RPS6KA2: variants seen among roughly 807,000 people sequenced by gnomAD.
RPS6KA2 encodes ribosomal protein S6 kinase A2, also known as ribosomal protein S6 kinase alpha-2.
RPS6KA2 carries 42 observed loss-of-function variants against 91.8 expected under a neutral mutation model. The ratio of observed to expected loss-of-function variants is 0.46; its 90% CI spans 0.36 to 0.59. The LOEUF is 0.59. RPS6KA2 is among the 20% of genes least tolerant of loss of function. RPS6KA2 has a pLI of 0.00. For synonymous variants in RPS6KA2, 414 were observed against 393.6 expected, an observed-to-expected ratio of 1.05 and a Z score of -0.61; for missense variants, 798 against 978.5, an observed-to-expected ratio of 0.82 and a Z score of 2.46.
chr6:166,768,035 G>A (rs1778367919), intron 2 of RPS6KA2, among the ~76,000 whole-genome samples: 1 of 152,224 alleles, frequency 6.6e-6, no homozygotes, highest in Non-Finnish European at 1.5e-5. Context: ...GGAAATCTGA[G>A]AAACAATTAC....
intron 1 of RPS6KA2, among the ~76,000 whole-genome samples, chr6:166,608,813 T>G (rs1206489860): frequency 3.3e-5 from 5 of 151,538 alleles, no homozygotes; most frequent in African/African-American, 4.9e-5. Flanking sequence ...GTTTGTTCTG[T>G]TTTTTTTTAA....
intron 2 of RPS6KA2, among the ~76,000 whole-genome samples, chr6:166,828,432 C>T (rs1409936098): frequency 6.6e-6 from 1 of 152,248 alleles, no homozygotes; most frequent in African/African-American, 2.4e-5. Context: ...CGTATCTGCC[C>T]TTTCCTTCAC....
rs139162564 is a variant in RPS6KA2 at position 166,479,208 on chromosome 6, C to T, written c.908-9303G>A. ...TTGCTGTTTGCTGTCAGAGAGCCCA[C>T]GAGCATGAGGGCCACACTTTGGCTT... On this transcript the variant is annotated intron_variant, in intron 10 of 20. Coordinates refer to ENST00000265678, the MANE Select transcript of RPS6KA2 (RefSeq NM_021135.6). 1.2e-3 allele frequency among the ~76,000 whole-genome samples: 188 copies of T among 152,344 alleles called. 1 individual carries two copies. Among genetic ancestry groups the T allele is most frequent in the African/African-American group, 2.5e-3 (103 of 41,576 alleles).
Position 166,852,204 on chromosome 6 carries a change from G to T in RPS6KA2, c.123+5996C>A, listed in dbSNP as rs991939794. The stretch of plus-strand genomic sequence containing the variant: ...TAAGAAATACAAATGCAAATAGACT[G>T]CCATCATGGTGACTTATGTAACACC... On this transcript the variant is annotated intron_variant, in intron 2 of 21. Transcript: ENST00000503859. The surrounding 1 kb of genome is among the most constrained non-coding windows in gnomAD (Gnocchi z 4.1). Among the ~76,000 whole-genome samples the T allele has an allele frequency of 6.6e-6, 1 of 152,194 alleles. No homozygotes were observed. Among genetic ancestry groups the T allele is most frequent in the Non-Finnish European group, 1.5e-5 (1 of 68,032 alleles).
intron 1 of RPS6KA2, among the ~76,000 whole-genome samples, chr6:166,608,204 A>G (rs1268226667): frequency 2.0e-5 from 3 of 152,216 alleles, no homozygotes; most frequent in African/African-American, 7.2e-5. Context: ...TAATTTCCTC[A>G]GGATATTTGC....
intron 1 of RPS6KA2, among the ~76,000 whole-genome samples, chr6:166,594,670 G>T (rs1426715018): frequency 6.6e-6 from 1 of 152,184 alleles, no homozygotes; most frequent in Non-Finnish European, 1.5e-5. Context: ...CACTGTGTTA[G>T]CCAGGATGGT....
At position 166,500,364 on chromosome 6, in the gene RPS6KA2, T is replaced by C. The variant is rs1334943106; in HGVS notation, c.604+523A>G. Among the ~76,000 whole-genome samples the C allele has an allele frequency of 6.6e-6, 1 of 152,210 alleles. No individual in the cohort carries two copies. The highest frequency in any genetic ancestry group is 1.5e-5 in the Non-Finnish European group (1 of 68,020). ...CTGTTGCCAGTTTGACTGAATTTGC[T>C]GGTGGCTGCCAGGGCTCAGATGGAA... On this transcript the variant is annotated intron_variant, in intron 7 of 20. Transcript: ENST00000265678. The surrounding 1 kb of genome is among the most constrained non-coding windows in gnomAD (Gnocchi z 4.3).
At chr6:166,472,730 C>T (rs1225979784) in intron 10 of RPS6KA2, among the ~76,000 whole-genome samples, 2 of 152,112 alleles carry the variant, frequency 1.3e-5, no homozygotes, top group East Asian at 1.9e-4. Flanking sequence ...GAGTTCTGGG[C>T]GGGGAGAATC....
chr6:166,560,543 A>C (rs1017585644), intron 1 of RPS6KA2, among the ~76,000 whole-genome samples: 2 of 152,198 alleles, frequency 1.3e-5, no homozygotes, highest in African/African-American at 4.8e-5. Flanking sequence ...TTCAGAGGAG[A>C]CCAGGGTCTT....
At chr6:166,740,506 TAACAATAAGGAAG>T (rs1231935769) in intron 2 of RPS6KA2, among the ~76,000 whole-genome samples, 1 of 152,184 alleles carries the variant, frequency 6.6e-6, no homozygotes, top group Non-Finnish European at 1.5e-5. Context: ...TATAACAATT[TAACAATAAGGAAG>T]AACAACCCAG....
At position 166,852,110 on chromosome 6, in the gene RPS6KA2, C is replaced by T. The variant is rs1298030211; in HGVS notation, c.123+6090G>A. ...CACCCGCTTTCCAGGAGGCATGATG[C>T]TTACCCTACCCTTTTCTAGCATTTC... On this transcript the variant is annotated intron_variant, in intron 2 of 21. Transcript: ENST00000503859. The surrounding 1 kb of genome is among the most constrained non-coding windows in gnomAD (Gnocchi z 4.1). 6.6e-6 allele frequency among the ~76,000 whole-genome samples: 1 copy of T among 152,206 alleles called. No individual in the cohort carries two copies. Among genetic ancestry groups the T allele is most frequent in the African/African-American group, 2.4e-5 (1 of 41,448 alleles).
At chr6:166,531,001 T>C (rs1387056248) in intron 3 of RPS6KA2, among the ~76,000 whole-genome samples, 1 of 152,246 alleles carries the variant, frequency 6.6e-6, no homozygotes, top group Non-Finnish European at 1.5e-5. Context: ...TGTGGGAGAA[T>C]GGTATTTACG....
chr6:166,670,751 G>T (rs1326588449), intron 2 of RPS6KA2, among the ~76,000 whole-genome samples: 1 of 152,210 alleles, frequency 6.6e-6, no homozygotes, highest in Admixed American at 6.5e-5. Flanking sequence ...TCCTACAGAT[G>T]ATGGGAGTTT....
chr6:166,507,337 G>A (rs182860100), intron 5 of RPS6KA2, among the ~76,000 whole-genome samples: 7 of 151,668 alleles, frequency 4.6e-5, no homozygotes, highest in African/African-American at 1.2e-4. Flanking sequence ...AGCTTCCTTA[G>A]AACCAGGCAG....
chr6:166,597,719 G>C (rs1785586987), intron 1 of RPS6KA2, among the ~76,000 whole-genome samples: 1 of 152,138 alleles, frequency 6.6e-6, no homozygotes, highest in Non-Finnish European at 1.5e-5. Context: ...TTAACTAGTA[G>C]CCTCAAAATG....
intron 11 of RPS6KA2, among the ~76,000 whole-genome samples, chr6:166,462,094 G>A (rs1053232780): frequency 2.0e-5 from 3 of 152,366 alleles, no homozygotes; most frequent in Admixed American, 1.3e-4. Flanking sequence ...CCAGGGTGAA[G>A]GTGGGAGACC....
chr6:166,498,619 G>A lies in RPS6KA2; in HGVS notation c.636C>T (p.His212=), dbSNP rs200188704. Residue 212 remains histidine (H), a synonymous_variant, in exon 8 of 21, where the codon CAC becomes CAT. Coordinates refer to ENST00000265678, the MANE Select transcript of RPS6KA2 (RefSeq NM_021135.6). ...DFGLSKEAID[H]DKRAYSFCGT... ...CGCAGAAGGAGTACGCTCTCTTGTC[G>A]TGGTCAATGGCCTCCTTACTCAGGC... is the stretch of plus-strand genomic sequence containing the variant. The A allele has an allele frequency of 9.2e-5, 149 of 1,613,938 alleles. No homozygotes were observed. Among genetic ancestry groups the A allele is most frequent in the South Asian group, 6.2e-4 (56 of 91,050 alleles).
At chr6:166,787,378 T>G (rs1778961081) in intron 2 of RPS6KA2, among the ~76,000 whole-genome samples, 1 of 152,108 alleles carries the variant, frequency 6.6e-6, no homozygotes, top group African/African-American at 2.4e-5. Context: ...TTATAAAAAG[T>G]ATGATTTGAT....
chr6:166,822,255 G>A (rs562305783), intron 2 of RPS6KA2, among the ~76,000 whole-genome samples: 2 of 152,218 alleles, frequency 1.3e-5, no homozygotes, highest in African/African-American at 2.4e-5. Context: ...GCCTCAGAAT[G>A]TGCCTGTGTC....
Sources: gnomAD v4.1 joint callset for allele counts (sites outside exome capture counted in the v4.1 genomes callset) on GRCh38, gnomAD v4.1.1 for gene constraint, Gnocchi (gnomAD v3.1) non-coding constraint, MANE v1.5 for transcripts, NCBI Gene and HGNC (gene_info 2026-07-23, HGNC 2026-07-21) for gene names.